The following INVS variants were observed in gnomAD, a reference collection of about 807,000 sequenced individuals.
The protein encoded by INVS is inversion of embryo turning homolog.
INVS carries 86 observed loss-of-function variants against 108.8 expected under a neutral mutation model. The ratio of observed to expected loss-of-function variants is 0.79; its 90% confidence interval spans 0.66 to 0.95. INVS has a LOEUF of 0.95. Among genes scored for constraint, INVS ranks in the 40% least tolerant of loss-of-function variants. INVS has a pLI of 0.00. For synonymous variants in INVS, 455 were observed against 473.5 expected, an observed-to-expected ratio of 0.96 and a Z score of 0.51; for missense variants, 1,169 against 1,297.4, an observed-to-expected ratio of 0.90 and a Z score of 1.52.
At chr9:100,200,250 T>C (rs933295738) in intron 3 of INVS, among the ~76,000 whole-genome samples, 2 of 152,342 alleles carry the variant, frequency 1.3e-5, no homozygotes, top group Admixed American at 1.3e-4. Flanking sequence ...TGTAAATTCC[T>C]TGTGTGCTAA....
intron 3 of INVS, among the ~76,000 whole-genome samples, chr9:100,128,298 T>C (rs1166982743): frequency 2.0e-5 from 3 of 152,196 alleles, no homozygotes; most frequent in African/African-American, 4.8e-5. Flanking sequence ...ATTTATGTGG[T>C]GGTATTTACA....
chr9:100,172,128 C>G (rs1209497027), intron 3 of INVS, among the ~76,000 whole-genome samples: 1 of 151,868 alleles, frequency 6.6e-6, no homozygotes. Flanking sequence ...TGTATTCAAG[C>G]AGATTGAAGT....
In INVS at chr9:100,302,121, A is replaced by AC; in HGVS notation, c.*1448dup. On this transcript the variant is annotated 3_prime_UTR_variant, in exon 17 of 17. Coordinates refer to ENST00000262457, the MANE Select transcript of INVS (RefSeq NM_014425.5). ...TCAGCTTTAATGACAAAGATCTATT[A>AC]CATCAGTCTTTTTCTTCAAATAAGA... 5.6e-6 allele frequency: 5 copies of AC among 895,492 alleles called. No homozygotes were observed. The highest frequency in any genetic ancestry group is 8.3e-6 in the Non-Finnish European group (5 of 600,226). 55.5% of individuals were successfully genotyped at this position (895,492 alleles called of 1,614,324 possible).
At chr9:100,118,939 G>A (rs779567749) in intron 2 of INVS, among the ~76,000 whole-genome samples, 18 of 152,114 alleles carry the variant, frequency 1.2e-4, no homozygotes, top group Non-Finnish European at 1.2e-4. Flanking sequence ...CGGATTACAG[G>A]CATGAGCCAC....
chr9:100,212,409 CT>C (rs1564160524), intron 3 of INVS, among the ~76,000 whole-genome samples: 1 of 152,172 alleles, frequency 6.6e-6, no homozygotes, highest in Non-Finnish European at 1.5e-5. Flanking sequence ...GTTGAGACAA[CT>C]ATTAATATAG....
intron 3 of INVS, among the ~76,000 whole-genome samples, chr9:100,159,479 GAC>G (rs1244910615): frequency 2.0e-5 from 3 of 151,834 alleles, no homozygotes; most frequent in Non-Finnish European, 4.4e-5. Flanking sequence ...TTAATCTTTA[GAC>G]TAATAACACC....
chr9:100,153,816 C>A (rs899842917), intron 3 of INVS, among the ~76,000 whole-genome samples: 8 of 152,166 alleles, frequency 5.3e-5, no homozygotes, highest in African/African-American at 1.9e-4. Flanking sequence ...ACCAAACTCA[C>A]TTATATCAGG....
intron 3 of INVS, chr9:100,215,557 T>A (rs910372076): frequency 6.6e-6 from 1 of 152,260 alleles, no homozygotes; most frequent in African/African-American, 2.4e-5. Context: ...CTCTCAACAA[T>A]TCCAGATACC....
At chr9:100,262,011 TG>T (rs1832640551) in intron 10 of INVS, among the ~76,000 whole-genome samples, 1 of 151,814 alleles carries the variant, frequency 6.6e-6, no homozygotes, top group South Asian at 2.1e-4. Flanking sequence ...TCCTCTTTTC[TG>T]TTAATATGGC....
chr9:100,173,467 C>A (rs1207136203), intron 3 of INVS, among the ~76,000 whole-genome samples: 1 of 152,156 alleles, frequency 6.6e-6, no homozygotes, highest in East Asian at 1.9e-4. Flanking sequence ...GTGGCTCACA[C>A]CTGTAATCCC....
intron 2 of INVS, among the ~76,000 whole-genome samples, chr9:100,125,809 C>A (rs1221451914): frequency 6.6e-6 from 1 of 151,872 alleles, no homozygotes; most frequent in African/African-American, 2.4e-5. Context: ...CCTCAACCTC[C>A]CGAGTAGCTG....
At chr9:100,100,973 TTATATATATAA>T (rs1826952327) in intron 1 of INVS, among the ~76,000 whole-genome samples, 2 of 62,324 alleles carry the variant, frequency 3.2e-5, no homozygotes, top group African/African-American at 2.0e-4. Context: ...ATAATATATA[TTATATATATAA>T]TATATATGTA....
chr9:100,297,011 C>G lies in INVS; in HGVS notation c.2881C>G (p.Leu961Val). 6.2e-7 allele frequency: 1 copy of G among 1,613,926 alleles called. No homozygotes were observed. Among genetic ancestry groups the G allele is most frequent in the Non-Finnish European group, 8.5e-7 (1 of 1,179,890 alleles). ...DRWRQESTAL[L>V]LQVWRKELEL... is the part of the protein sequence containing the mutation. The stretch of plus-strand genomic sequence containing the variant: ...ATGGAGGCAAGAGTCTACAGCATTG[C>G]TCCTCCAGGTTTGGAGGAAGGAACT... Residue 961 changes from leucine to valine, a missense_variant, in exon 15 of 17, where the codon CTC becomes GTC. Leu to Val is a conservative substitution (Grantham distance 32). Around this residue, in one of 3 missense-constraint regions of INVS, gnomAD observed 533 missense variants for 536.0 expected, o/e 0.99. Coordinates refer to ENST00000262457, the MANE Select transcript of INVS (RefSeq NM_014425.5).
intron 6 of INVS, among the ~76,000 whole-genome samples, chr9:100,241,786 C>A (rs1032020258): frequency 2.6e-4 from 40 of 152,198 alleles, no homozygotes; most frequent in African/African-American, 8.4e-4. Flanking sequence ...AATTACTTTT[C>A]TCTGCTTGGC....
chr9:100,241,534 C>A (rs1422655585), intron 6 of INVS, among the ~76,000 whole-genome samples: 1 of 152,152 alleles, frequency 6.6e-6, no homozygotes, highest in Non-Finnish European at 1.5e-5. Context: ...TCCTCTGGAT[C>A]CTTCTCTAGA....
chr9:100,200,160 C>A (rs979263756), intron 3 of INVS, among the ~76,000 whole-genome samples: 24 of 152,138 alleles, frequency 1.6e-4, no homozygotes, highest in African/African-American at 5.8e-4. Flanking sequence ...TGTAATTTTT[C>A]TCTGCTGAGA....
At chr9:100,161,173 T>A (rs1251557046) in intron 3 of INVS, among the ~76,000 whole-genome samples, 1 of 151,420 alleles carries the variant, frequency 6.6e-6, no homozygotes, top group Non-Finnish European at 1.5e-5. Context: ...ATAAGGAGTT[T>A]CAGACCAGTC....
In INVS at chr9:100,296,926, C is replaced by G; in HGVS notation, c.2796C>G (p.Leu932=). 2 of 1,613,978 alleles carry G rather than the reference C, an allele frequency of 1.2e-6. No individual in the cohort carries two copies. Among genetic ancestry groups the G allele is most frequent in the Non-Finnish European group, 1.7e-6 (2 of 1,179,964 alleles). ...VIQRAWRSYQ[L]RKHLSHLRHM... Reference sequence around the variant, plus strand: ...CCTCTGACCCAACCAGCTACCAGCTCAGGAAGCACCTGTCCCACCTTCGGC... The same window carrying G: ...CCTCTGACCCAACCAGCTACCAGCTGAGGAAGCACCTGTCCCACCTTCGGC... The change falls in exon 15 of 17, where the codon CTC becomes CTG. Residue 932 remains leucine, a synonymous_variant. Transcript: ENST00000262457.
At chr9:100,260,191 T>C (rs1303030393) in intron 10 of INVS, among the ~76,000 whole-genome samples, 30 of 145,886 alleles carry the variant, frequency 2.1e-4, no homozygotes, top group African/African-American at 4.3e-4. Flanking sequence ...CTTTTCTTTT[T>C]TTTTTTTTTT....
Sources: gnomAD v4.1 joint callset for allele counts (sites outside exome capture counted in the v4.1 genomes callset) on GRCh38, gnomAD v4.1.1 for gene constraint, gnomAD v4.1.1 regional missense constraint, MANE v1.5 for transcripts, NCBI Gene and HGNC (gene_info 2026-07-23, HGNC 2026-07-21) for gene names.